HTR3C: variants seen among roughly 807,000 people sequenced by gnomAD.
HTR3C encodes 5-hydroxytryptamine receptor 3C.
HTR3C carries 32 observed loss-of-function variants against 40.5 expected under a neutral mutation model. The ratio of observed to expected loss-of-function variants is 0.79; its 90% CI spans 0.60 to 1.06. The LOEUF (loss-of-function observed/expected upper bound fraction) is 1.06. HTR3C is among the 50% of genes least tolerant of loss of function. HTR3C has a pLI of 0.00. For missense variants in HTR3C, 523 were observed against 556.8 expected (o/e 0.94, Z 0.61); for synonymous variants, 209 against 217.1 (o/e 0.96, Z 0.33).
In HTR3C at chr3:184,059,470, T is replaced by C. The variant is rs1723396526; in HGVS notation, c.755T>C (p.Ile252Thr). 1 of 1,614,214 alleles carries C rather than the reference T, an allele frequency of 6.2e-7. No homozygotes were observed. The highest frequency in any genetic ancestry group is 8.5e-7 in the Non-Finnish European group (1 of 1,180,034). ...AGGCGCAGGCCAAGCCTCTACATCA[T>C]AAACCTGCTGGTGCCCAGTAGCTTT... ...AIRRRPSLYI[I>T]NLLVPSSFLV... The change falls in exon 7 of 9, where the codon ATA becomes ACA. Residue 252 changes from isoleucine (I) to threonine (T), a missense_variant. By Grantham distance (89) the Ile-to-Thr change is moderately conservative. Transcript: ENST00000318351.
In HTR3C at chr3:184,060,536, C is replaced by A; in HGVS notation, c.*184C>A. 1 of 712,468 alleles carries A rather than the reference C, an allele frequency of 1.4e-6. No homozygotes were observed. The highest frequency in any genetic ancestry group is 1.8e-5 in the South Asian group (1 of 55,514). 44.1% of individuals were successfully genotyped at this position (712,468 alleles called of 1,614,324 possible). ...GGACAGCCCTGGACGATTTCCCGAC[C>A]GCTGCTCAGGCTGCTCATTCCTGCT... On this transcript the variant is annotated 3_prime_UTR_variant, in exon 9 of 9. Coordinates refer to ENST00000318351, the MANE Select transcript of HTR3C (RefSeq NM_130770.3).
Position 184,056,911 on chromosome 3 carries a change from C to A in HTR3C, c.426C>A (p.Ala142=). The A allele has an allele frequency of 6.2e-7, 1 of 1,613,346 alleles. No individual in the cohort carries two copies. Among genetic ancestry groups the A allele is most frequent in the Non-Finnish European group, 8.5e-7 (1 of 1,179,452 alleles). The change falls in exon 5 of 9, where the codon GCC becomes GCA. Residue 142 remains alanine (A), a synonymous_variant. Transcript: ENST00000318351. ...DVDQTPSGLT[A]YISSEGRIKY... is the part of the protein sequence containing the mutation. ...ATCAGACGCCTTCCGGTCTCACTGC[C>A]TATATCAGCAGTGAAGGTCGAATTA...
At position 184,054,731 on chromosome 3, in the gene HTR3C, C is replaced by T. The variant is rs143289420; in HGVS notation, c.78C>T (p.Asp26=). ...CTCTGCTCTCTATAGGAAGAGGCGACGCTTTTACCATCAATTGCTCAGGCT... is the reference window on the plus strand; with the variant it reads ...CTCTGCTCTCTATAGGAAGAGGCGATGCTTTTACCATCAATTGCTCAGGCT... ...TVSLLLQGRG[D]AFTINCSGFD... is the part of the protein sequence containing the mutation. The change falls in exon 2 of 9, where the codon GAC becomes GAT. Residue 26 remains aspartate (D), a synonymous_variant. Transcript: ENST00000318351. 6.4e-3 allele frequency: 10,200 copies of T among 1,596,498 alleles called. 52 individuals are homozygous for T. The highest frequency in any genetic ancestry group is 7.4e-3 in the Non-Finnish European group (8,720 of 1,172,730).
intron 1 of HTR3C, 47 bp from the exon 2 acceptor site, chr3:184,054,674 G>T: frequency 6.8e-7 from 1 of 1,473,212 alleles, no homozygotes. Flanking sequence ...AGAGACTCCA[G>T]CCCTGGAAAT....
At chr3:184,059,322 T>C in intron 6 of HTR3C, 114 bp from the exon 7 acceptor site, 1 of 879,462 alleles carries the variant, frequency 1.1e-6, no homozygotes, top group South Asian at 1.5e-5. Context: ...AAGTGTTACT[T>C]AAAAAGATCG....
chr3:184,054,137 A>G (rs534064911), intron 1 of HTR3C, among the ~76,000 whole-genome samples: 49 of 152,322 alleles, frequency 3.2e-4, no homozygotes, highest in Admixed American at 7.8e-4. Flanking sequence ...AACCCACGAG[A>G]CAACTGAGGT....
intron 4 of HTR3C, among the ~76,000 whole-genome samples, chr3:184,056,606 G>A (rs1339886040): frequency 6.6e-6 from 1 of 152,178 alleles, no homozygotes; most frequent in East Asian, 1.9e-4. Context: ...AATTAGCCAG[G>A]TGTGGTGGCA....
chr3:184,054,867 C>T lies in HTR3C; in HGVS notation c.214C>T (p.Leu72=), dbSNP rs761003444. 6.2e-7 allele frequency: 1 copy of T among 1,607,990 alleles called. No individual in the cohort carries two copies. The highest frequency in any genetic ancestry group is 8.5e-7 in the Non-Finnish European group (1 of 1,177,404). ...IPTRVNISFT[L]SAILGVDAQL... ...TACCCGTGTCAACATCTCCTTCACC[C>T]TGTCTGCCATCCTGGGAGTGGTGAG... Residue 72 remains leucine, a synonymous_variant, in exon 2 of 9, where the codon CTG becomes TTG. Coordinates refer to ENST00000318351, the MANE Select transcript of HTR3C (RefSeq NM_130770.3).
intron 4 of HTR3C, among the ~76,000 whole-genome samples, 162 bp from the exon 5 acceptor site, chr3:184,056,713 A>T (rs1398545400): frequency 6.6e-6 from 1 of 152,112 alleles, no homozygotes; most frequent in African/African-American, 2.4e-5. Context: ...GCACCACTGA[A>T]CTCCAGCCTG....
chr3:184,054,726 G>A lies in HTR3C; in HGVS notation c.73G>A (p.Gly25Ser), dbSNP rs60179621. 13,578 of 1,592,960 alleles carry A rather than the reference G, an allele frequency of 8.5e-3. 1,019 individuals carry two copies. In the African/African-American group the frequency reaches 0.16, roughly 19 times the overall value. Residue 25 changes from glycine to serine, a missense_variant, in exon 2 of 9, where the codon GGC becomes AGC. Gly to Ser is a moderately conservative substitution (Grantham distance 56, BLOSUM62 0). Transcript: ENST00000318351. Reference sequence around the variant, plus strand: ...GGAGTCTCTGCTCTCTATAGGAAGAGGCGACGCTTTTACCATCAATTGCTC... The same window carrying A: ...GGAGTCTCTGCTCTCTATAGGAAGAAGCGACGCTTTTACCATCAATTGCTC... Reference protein sequence around the residue: ...LTVSLLLQGRGDAFTINCSGF... With the variant: ...LTVSLLLQGRSDAFTINCSGF...
In HTR3C at chr3:184,055,884, C is replaced by CAAAAAAAA. The variant is rs71185686; in HGVS notation, c.280-271_280-264dup. Among the ~76,000 whole-genome samples the CAAAAAAAA allele has an allele frequency of 8.2e-3, 251 of 30,712 alleles. 51 individuals carry two copies. Among genetic ancestry groups the CAAAAAAAA allele is most frequent in the South Asian group, 0.014 (6 of 438 alleles). 20.1% of individuals were successfully genotyped at this position (30,712 alleles called of 152,430 possible). ...TCTTAGGAAGGTTGAAATAGCAACT[C>CAAAAAAAA]AAAAAAAAAAAAAAAAAAAAAAAAA... On this transcript the variant is annotated intron_variant, in intron 3 of 8. Coordinates refer to ENST00000318351, the MANE Select transcript of HTR3C (RefSeq NM_130770.3).
At chr3:184,056,092 G>T in intron 3 of HTR3C, 85 bp from the exon 4 acceptor site, 1 of 844,596 alleles carries the variant, frequency 1.2e-6, no homozygotes, top group Non-Finnish European at 2.0e-6. Flanking sequence ...GAGGATCAAG[G>T]TTTAAAGAAG....
chr3:184,055,662 C>T (rs149469813), intron 3 of HTR3C, among the ~76,000 whole-genome samples: 4 of 151,368 alleles, frequency 2.6e-5, no homozygotes, highest in African/African-American at 7.3e-5. Context: ...TGCAGAGAGC[C>T]AAGATTGTGC....
At chr3:184,059,318 T>C (rs1723393170) in intron 6 of HTR3C, 118 bp from the exon 7 acceptor site, 1 of 820,768 alleles carries the variant, frequency 1.2e-6, no homozygotes, top group South Asian at 1.6e-5. Flanking sequence ...GCAAAAGTGT[T>C]ACTTAAAAAG....
At chr3:184,055,178 G>T (rs1404574032) in intron 2 of HTR3C, 134 bp from the exon 3 acceptor site, 2 of 704,372 alleles carry the variant, frequency 2.8e-6, no homozygotes, top group South Asian at 1.7e-5. Flanking sequence ...CAGGGGAAAC[G>T]AGTGAGGAAA....
At chr3:184,058,619 T>A in intron 6 of HTR3C, 32 bp downstream of exon 6, 2 of 1,592,260 alleles carry the variant, frequency 1.3e-6, no homozygotes, top group Non-Finnish European at 1.7e-6. Flanking sequence ...TGACTTCTGA[T>A]CCCAGCAGCT....
chr3:184,053,160 G>A lies in HTR3C; in HGVS notation c.67+13G>A, dbSNP rs144455519. 3.5e-5 allele frequency: 56 copies of A among 1,609,068 alleles called. No individual in the cohort carries two copies. The South Asian group carries it at 4.6e-4, about 13-fold the overall frequency. On this transcript the variant is annotated intron_variant, in intron 1 of 8. Transcript: ENST00000318351. ...CTTCTGCTTCAAGGTAAGATGGGAC[G>A]AGAACAGGGAAGACCAGAGTGTGGT...
At chr3:184,053,969 G>A (rs2108970145) in intron 1 of HTR3C, among the ~76,000 whole-genome samples, 1 of 152,046 alleles carries the variant, frequency 6.6e-6, no homozygotes, top group East Asian at 1.9e-4. Context: ...CGGCCAGGAT[G>A]GTCTCGATCT....
Position 184,058,572 on chromosome 3 carries a change from C to G in HTR3C, c.705C>G (p.Asp235Glu), listed in dbSNP as rs1346940634. The change falls in exon 6 of 9, where the codon GAC becomes GAG. Residue 235 changes from aspartate to glutamate, a missense_variant. Coordinates refer to ENST00000318351, the MANE Select transcript of HTR3C (RefSeq NM_130770.3). ...TGTCCATGGGCAACAACCTATATGA[C>G]CAGATCATGTTTTATGTGAGTCCAG... ...PKMSMGNNLYDQIMFYVAIRR... is the reference protein window; with the variant it reads ...PKMSMGNNLYEQIMFYVAIRR... 6.2e-7 allele frequency: 1 copy of G among 1,612,132 alleles called. No homozygotes were observed. The highest frequency in any genetic ancestry group is 1.7e-5 in the Admixed American group (1 of 59,632).
Sources: gnomAD v4.1 joint callset for allele counts (sites outside exome capture counted in the v4.1 genomes callset) on GRCh38, gnomAD v4.1.1 for gene constraint, MANE v1.5 for transcripts, NCBI Gene and HGNC (gene_info 2026-07-23, HGNC 2026-07-21) for gene names.